Variants in PLA2G4A observed in about 807,000 individuals in gnomAD.
PLA2G4A encodes the protein phospholipase A2 group IVA, also known as cytosolic phospholipase A2.
Under a neutral mutation model 81.9 loss-of-function variants are expected in PLA2G4A, and 40 were observed. The observed-to-expected ratio is 0.49, with a 90% CI of 0.38 to 0.64. The LOEUF (loss-of-function observed/expected upper bound fraction) is 0.64, where lower values mean the gene tolerates loss of function less well. Ranked by LOEUF, PLA2G4A falls within the 30% of genes least tolerant of loss-of-function variation. The pLI is 0.00. For missense variants in PLA2G4A, 715 were observed against 905.1 expected, an observed-to-expected ratio of 0.79 and a Z score of 2.69; for synonymous variants, 302 against 296.9, an observed-to-expected ratio of 1.02 and a Z score of -0.18.
At chr1:186,842,867 G>T (rs189999552) in intron 1 of PLA2G4A, among the ~76,000 whole-genome samples, 54 of 152,314 alleles carry the variant, frequency 3.5e-4, no homozygotes, top group African/African-American at 1.2e-3. Context: ...CTAACACAAA[G>T]TGCCACTTTC....
In PLA2G4A at chr1:186,931,902, C is replaced by G. The variant is rs567882671; in HGVS notation, c.559-861C>G. Among the ~76,000 whole-genome samples the G allele has an allele frequency of 3.9e-5, 6 of 152,256 alleles. No homozygotes were observed. The South Asian group carries it at 1.0e-3, about 26-fold the overall frequency. ...CTGCTTAAGAGCAAAGCTAGAAACC[C>G]TAAGTCTGACCACCCACCTTCCTCT... is the stretch of plus-strand genomic sequence containing the variant. On this transcript the variant is annotated intron_variant, in intron 7 of 17. Transcript: ENST00000367466.
At chr1:186,887,397 AG>A (rs1403225662) in intron 3 of PLA2G4A, among the ~76,000 whole-genome samples, 6 of 152,174 alleles carry the variant, frequency 3.9e-5, no homozygotes, top group Non-Finnish European at 7.4e-5. Flanking sequence ...TTATGACTTC[AG>A]GCAGGCGCTC....
intron 15 of PLA2G4A, among the ~76,000 whole-genome samples, chr1:186,967,674 C>T (rs1378864628): frequency 6.6e-6 from 1 of 152,028 alleles, no homozygotes; most frequent in Non-Finnish European, 1.5e-5. Context: ...TTGGTGCATA[C>T]TGGAGTTAAT....
intron 13 of PLA2G4A, among the ~76,000 whole-genome samples, chr1:186,951,927 A>C (rs1432443490): frequency 1.3e-5 from 2 of 152,168 alleles, no homozygotes; most frequent in African/African-American, 4.8e-5. Context: ...GTAGCCCATG[A>C]TCTGCCTAAT....
At chr1:186,834,625 G>A (rs1437675725) in intron 1 of PLA2G4A, among the ~76,000 whole-genome samples, 1 of 151,928 alleles carries the variant, frequency 6.6e-6, no homozygotes, top group Non-Finnish European at 1.5e-5. Context: ...TAATAGGGGA[G>A]GTTGTGCAAT....
At chr1:186,978,850 A>G (rs1007267275) in intron 16 of PLA2G4A, among the ~76,000 whole-genome samples, 1 of 152,238 alleles carries the variant, frequency 6.6e-6, no homozygotes, top group Admixed American at 6.5e-5. Flanking sequence ...AAGGCAGACA[A>G]CAAAGTTGCA....
chr1:186,937,209 G>A (rs771178088), intron 8 of PLA2G4A, among the ~76,000 whole-genome samples: 137 of 151,216 alleles, frequency 9.1e-4, no homozygotes, highest in Non-Finnish European at 1.9e-3. Context: ...TCTGTTTCTC[G>A]CCAGGGTTTG....
At chr1:186,892,864 C>A in intron 3 of PLA2G4A, 147 bp from the exon 4 acceptor site, 2 of 659,976 alleles carry the variant, frequency 3.0e-6, no homozygotes, top group East Asian at 5.5e-5. Context: ...TGATGTTTTT[C>A]TATTATGTGT....
At chr1:186,857,482 AATAT>A (rs1191754972) in intron 2 of PLA2G4A, among the ~76,000 whole-genome samples, 1 of 136,646 alleles carries the variant, frequency 7.3e-6, no homozygotes, top group African/African-American at 2.7e-5. Context: ...ATATATATAC[AATAT>A]ATAACATAAT....
At chr1:186,921,806 G>C (rs1469493332) in intron 7 of PLA2G4A, among the ~76,000 whole-genome samples, 1 of 152,102 alleles carries the variant, frequency 6.6e-6, no homozygotes, top group African/African-American at 2.4e-5. Flanking sequence ...TTAACTAACT[G>C]TCCCTTTGCT....
chr1:186,949,404 G>GAAAAAAGAAAGA (rs10631853), intron 12 of PLA2G4A, among the ~76,000 whole-genome samples: 21 of 147,156 alleles, frequency 1.4e-4, no homozygotes, highest in Non-Finnish European at 2.2e-4. Flanking sequence ...GAAAAAGAAA[G>GAAAAAAGAAAGA]AAGAAAGAAA....
chr1:186,965,719 A>T (rs1352724358), intron 15 of PLA2G4A, 126 bp downstream of exon 15: 2 of 768,530 alleles, frequency 2.6e-6, no homozygotes, highest in African/African-American at 3.4e-5. Flanking sequence ...TATGAGTAAT[A>T]GTTCTAAAAC....
chr1:186,900,328 C>A (rs760329262), intron 5 of PLA2G4A, among the ~76,000 whole-genome samples: 2 of 152,020 alleles, frequency 1.3e-5, no homozygotes, highest in African/African-American at 4.8e-5. Context: ...TAGGTTAATG[C>A]GTAAAACATA....
chr1:186,893,884 A>T (rs1255235445), intron 4 of PLA2G4A, among the ~76,000 whole-genome samples: 5 of 149,196 alleles, frequency 3.4e-5, no homozygotes, highest in Non-Finnish European at 7.4e-5. Flanking sequence ...AGATCCCGCC[A>T]CTGCACTCCA....
chr1:186,985,511 ATATACT>A (rs1418664448), intron 17 of PLA2G4A, among the ~76,000 whole-genome samples: 1 of 152,122 alleles, frequency 6.6e-6, no homozygotes, highest in Non-Finnish European at 1.5e-5. Context: ...CTCTAACAAA[ATATACT>A]TAACTTTCTC....
At chr1:186,962,816 C>T (rs373405639) in intron 14 of PLA2G4A, among the ~76,000 whole-genome samples, 1 of 68,092 alleles carries the variant, frequency 1.5e-5, no homozygotes, top group Admixed American at 1.9e-4. Context: ...CCACTGCGCC[C>T]GGTCACTTTG....
chr1:186,897,505 T>C (rs1654374443), intron 5 of PLA2G4A, among the ~76,000 whole-genome samples: 1 of 152,080 alleles, frequency 6.6e-6, no homozygotes, highest in Non-Finnish European at 1.5e-5. Context: ...ATTTTATTTT[T>C]ATTTTTATTT....
chr1:186,865,909 AC>A (rs1184836909), intron 2 of PLA2G4A, among the ~76,000 whole-genome samples: 1 of 152,154 alleles, frequency 6.6e-6, no homozygotes, highest in East Asian at 1.9e-4. Flanking sequence ...CTTGGTTTTT[AC>A]TATAGAAATG....
rs557981001 is a variant in PLA2G4A at position 186,927,585 on chromosome 1, T to C, written c.559-5178T>C. 7.9e-5 allele frequency among the ~76,000 whole-genome samples: 12 copies of C among 152,326 alleles called. No individual in the cohort carries two copies. In the South Asian group the frequency reaches 2.5e-3, roughly 32 times the overall value. The stretch of plus-strand genomic sequence containing the variant: ...AGAGAAGAAAAGATTCTTCTTGTCA[T>C]CAGAGTGTAAAAGAGATAATGCTTT... On this transcript the variant is annotated intron_variant, in intron 7 of 17. Transcript: ENST00000367466.
Sources: allele counts gnomAD v4.1 joint callset (sites outside exome capture counted in the v4.1 genomes callset), GRCh38; gene constraint gnomAD v4.1.1; transcripts MANE v1.5; gene names NCBI Gene and HGNC (gene_info 2026-07-23, HGNC 2026-07-21).